Variants in KNTC1 observed in about 807,000 individuals in gnomAD.
KNTC1 encodes kinetochore-associated protein 1.
A neutral mutation model predicts 314.4 loss-of-function variants in KNTC1; 253 were observed. The observed-to-expected ratio is 0.80, with a 90% CI of 0.73 to 0.89. The LOEUF (loss-of-function observed/expected upper bound fraction) is 0.89, where lower values mean the gene tolerates loss of function less well. Among genes scored for constraint, KNTC1 ranks in the 40% least tolerant of loss-of-function variants. The pLI is 0.00. For missense variants in KNTC1, 2,475 were observed against 2,572.9 expected, an observed-to-expected ratio of 0.96 and a Z score of 0.82; for synonymous variants, 901 against 901.4, an observed-to-expected ratio of 1.00 and a Z score of 0.01.
intron 3 of KNTC1, among the ~76,000 whole-genome samples, chr12:122,536,403 T>C (rs1961837204): frequency 6.6e-6 from 1 of 151,802 alleles, no homozygotes; most frequent in East Asian, 1.9e-4. Flanking sequence ...AATCTTTTTT[T>C]GTATTTTTAG....
chr12:122,615,532 T>C lies in KNTC1; in HGVS notation c.6030+6T>C. The C allele has an allele frequency of 6.6e-7, 1 of 1,517,852 alleles. No homozygotes were observed. Among genetic ancestry groups the C allele is most frequent in the Non-Finnish European group, 8.9e-7 (1 of 1,126,278 alleles). 94.0% of individuals were successfully genotyped at this position (1,517,852 alleles called of 1,614,324 possible). A position where few individuals can be genotyped will look rare whatever the true frequency, so the allele number is the denominator to read the frequency against. On this transcript the variant is annotated splice_donor_region_variant and intron_variant, in intron 57 of 63. Transcript: ENST00000333479. ...GTATCCATTCTTTATGGCAGGTATG[T>C]AGTTTTTTAAAATAAATTTTATTGA...
intron 60 of KNTC1, among the ~76,000 whole-genome samples, chr12:122,621,075 C>G (rs1273458028): frequency 6.6e-6 from 1 of 151,998 alleles, no homozygotes; most frequent in East Asian, 1.9e-4. Flanking sequence ...TGAACTTGAA[C>G]AAGACAAGAA....
intron 3 of KNTC1, 90 bp downstream of exon 3, chr12:122,534,874 A>G: frequency 1.6e-6 from 2 of 1,250,294 alleles, no homozygotes; most frequent in Non-Finnish European, 1.1e-6. Flanking sequence ...TCTTTACTCC[A>G]TTATTTCTAA....
At chr12:122,598,588 T>C (rs1373631653) in intron 44 of KNTC1, among the ~76,000 whole-genome samples, 1 of 151,480 alleles carries the variant, frequency 6.6e-6, no homozygotes, top group East Asian at 1.9e-4. Flanking sequence ...GCCTGGCTCA[T>C]TTTTGTATTT....
intron 18 of KNTC1, among the ~76,000 whole-genome samples, chr12:122,560,588 G>C (rs573197202): frequency 1.3e-5 from 2 of 152,206 alleles, no homozygotes; most frequent in East Asian, 3.9e-4. Context: ...GGCCAGACTA[G>C]TCTTGAACCC....
chr12:122,546,991 C>G (rs1030412602), intron 10 of KNTC1, among the ~76,000 whole-genome samples: 1 of 151,162 alleles, frequency 6.6e-6, no homozygotes, highest in Non-Finnish European at 1.5e-5. Context: ...CATCACCACG[C>G]CCGGCTAATT....
intron 2 of KNTC1, among the ~76,000 whole-genome samples, chr12:122,532,143 C>G (rs1166075361): frequency 1.3e-5 from 2 of 151,282 alleles, no homozygotes; most frequent in African/African-American, 2.4e-5. Context: ...AAGTGATTCT[C>G]CTGCCTCAGC....
In KNTC1 at chr12:122,568,307, GAT is replaced by G; in HGVS notation, c.1654_1655del (p.Ile552PhefsTer24). 1.3e-6 allele frequency: 2 copies of G among 1,593,960 alleles called. No individual in the cohort carries two copies. Among genetic ancestry groups the G allele is most frequent in the Non-Finnish European group, 1.7e-6 (2 of 1,162,732 alleles). ...TCTAAATAATGAAGATGATCTTAAAGATATTTTTTTACAGCTAAAAGAAGGAA... is the reference window on the plus strand; with the variant it reads ...TCTAAATAATGAAGATGATCTTAAAGATTTTTTTACAGCTAAAAGAAGGAA... ...EFLNNEDDLKDIFLQLKEGNL... is the reference protein window; with the variant it reads ...EFLNNEDDLKXIFLQLKEGNL... On this transcript the variant is annotated frameshift_variant, in exon 21 of 64. Coordinates refer to ENST00000333479, the MANE Select transcript of KNTC1 (RefSeq NM_014708.6). LOFTEE classifies it high-confidence loss of function.
intron 42 of KNTC1, among the ~76,000 whole-genome samples, chr12:122,592,641 A>G (rs940561882): frequency 6.6e-6 from 1 of 152,190 alleles, no homozygotes. Context: ...CCTGTGTGTC[A>G]AAACTCTGTA....
chr12:122,621,013 TGCATAG>T (rs1874371449), intron 60 of KNTC1, among the ~76,000 whole-genome samples: 1 of 152,198 alleles, frequency 6.6e-6, no homozygotes, highest in Admixed American at 6.5e-5. Flanking sequence ...AGCAACCTTG[TGCATAG>T]GCAGGGAAGG....
chr12:122,589,975 G>A (rs947932161), intron 40 of KNTC1, among the ~76,000 whole-genome samples: 9 of 151,762 alleles, frequency 5.9e-5, no homozygotes, highest in African/African-American at 1.7e-4. Context: ...AGTAGAGACC[G>A]GGTTTCACTG....
intron 31 of KNTC1, among the ~76,000 whole-genome samples, chr12:122,579,018 C>G (rs1965214020): frequency 9.5e-6 from 1 of 105,218 alleles, no homozygotes; most frequent in Non-Finnish European, 1.9e-5. Context: ...ATACCATAGT[C>G]TGTATTCTTT....
intron 13 of KNTC1, among the ~76,000 whole-genome samples, chr12:122,550,638 G>A (rs1467535902): frequency 6.6e-6 from 1 of 152,102 alleles, no homozygotes; most frequent in Non-Finnish European, 1.5e-5. Flanking sequence ...GAGTAGCTGG[G>A]ACTACAGGTG....
chr12:122,606,723 G>C (rs1247397507), intron 51 of KNTC1, among the ~76,000 whole-genome samples: 2 of 151,868 alleles, frequency 1.3e-5, no homozygotes, highest in Middle Eastern at 3.4e-3. Context: ...CTTTCACCGA[G>C]ATCCATGAAT....
intron 53 of KNTC1, among the ~76,000 whole-genome samples, chr12:122,612,166 AGC>A (rs1364579736): frequency 6.6e-6 from 1 of 151,822 alleles, no homozygotes. Context: ...CCCGGGTTCA[AGC>A]AATTCTCCTG....
At chr12:122,606,023 TTG>T (rs1486589698) in intron 51 of KNTC1, among the ~76,000 whole-genome samples, 19 of 148,324 alleles carry the variant, frequency 1.3e-4, no homozygotes, top group Non-Finnish European at 2.2e-4. Context: ...TTTGTTTTTT[TTG>T]TTTGTTTGTT....
chr12:122,584,320 G>C lies in KNTC1; in HGVS notation c.3306G>C (p.Leu1102Phe). 6.2e-7 allele frequency: 1 copy of C among 1,613,460 alleles called. No individual in the cohort carries two copies. The highest frequency in any genetic ancestry group is 8.5e-7 in the Non-Finnish European group (1 of 1,179,536). Residue 1102 changes from leucine (L) to phenylalanine (F), a missense_variant, in exon 35 of 64, where the codon TTG becomes TTC. Leu to Phe is a conservative substitution (Grantham distance 22, BLOSUM62 0). Coordinates refer to ENST00000333479, the MANE Select transcript of KNTC1 (RefSeq NM_014708.6). ...KYHCNADTGK[L>F]LFLTCQKLCQ... ...ACTGCAATGCTGACACTGGGAAATT[G>C]CTATTTCTGACATGTCAGAAGCTTT...
chr12:122,621,609 A>G (rs1390458680), intron 60 of KNTC1, among the ~76,000 whole-genome samples: 3 of 152,254 alleles, frequency 2.0e-5, no homozygotes, highest in Non-Finnish European at 4.4e-5. Flanking sequence ...TGTTGGGATT[A>G]TAGGCATGAG....
At position 122,615,550 on chromosome 12, in the gene KNTC1, T is replaced by A. The variant is rs571658047; in HGVS notation, c.6030+24T>A. On this transcript the variant is annotated intron_variant, in intron 57 of 63. Transcript: ENST00000333479. ...AGGTATGTAGTTTTTTAAAATAAAT[T>A]TTATTGAATTTAGTCTTTATACTTT... 4.0e-6 allele frequency: 6 copies of A among 1,498,626 alleles called. No individual in the cohort carries two copies. The South Asian group carries it at 7.6e-5, about 19-fold the overall frequency. 92.8% of individuals were successfully genotyped at this position (1,498,626 alleles called of 1,614,324 possible).
Sources: gnomAD v4.1 joint callset for allele counts (sites outside exome capture counted in the v4.1 genomes callset) on GRCh38, gnomAD v4.1.1 for gene constraint, MANE v1.5 for transcripts, NCBI Gene and HGNC (gene_info 2026-07-23, HGNC 2026-07-21) for gene names.